The following CIMAP3 variants were observed in gnomAD, a reference collection of about 807,000 sequenced individuals.
CIMAP3 encodes ciliary microtubule-associated protein 3.
the CIMAP3 span, among the ~76,000 whole-genome samples, chr1:111,335,539 G>A: frequency 6.6e-6 from 1 of 152,216 alleles, no homozygotes; most frequent in Non-Finnish European, 1.5e-5. Flanking sequence ...CAGCGCACCA[G>A]GAGATTATAT....
chr1:111,336,298 C>T, the CIMAP3 span, among the ~76,000 whole-genome samples: 1 of 152,214 alleles, frequency 6.6e-6, no homozygotes, highest in Non-Finnish European at 1.5e-5. Flanking sequence ...GAGCACCTCT[C>T]CTCCTCCAAA....
the CIMAP3 span, chr1:111,347,618 C>CTTTTTTTTTTTTTTTTTTTGTGTTTTTTT: frequency 1.1e-6 from 1 of 928,432 alleles, no homozygotes. Context: ...GTTGTTTTTT[C>CTTTTTTTTTTTTTTTTTTTGTGTTTTTTT]TTTCTTTTTT....
the CIMAP3 span, among the ~76,000 whole-genome samples, chr1:111,335,247 G>A: frequency 1.5e-3 from 222 of 151,872 alleles, 3 homozygotes; most frequent in East Asian, 0.032. Context: ...AAACAGCTCC[G>A]GTCTACAGCT....
At chr1:111,339,038 G>A in the CIMAP3 span, among the ~76,000 whole-genome samples, 1 of 152,172 alleles carries the variant, frequency 6.6e-6, no homozygotes, top group African/African-American at 2.4e-5. Flanking sequence ...TGGAATGCAA[G>A]GCTGGTTCAA....
At chr1:111,337,650 C>A in the CIMAP3 span, among the ~76,000 whole-genome samples, 1 of 152,198 alleles carries the variant, frequency 6.6e-6, no homozygotes, top group Non-Finnish European at 1.5e-5. Context: ...AGCTAACTAT[C>A]CTAAATACAT....
the CIMAP3 span, among the ~76,000 whole-genome samples, chr1:111,328,533 T>G: frequency 1.3e-5 from 2 of 152,242 alleles, no homozygotes; most frequent in Non-Finnish European, 2.9e-5. Context: ...TGTGTGCTTC[T>G]GTATTGGGTG....
chr1:111,351,243 C>A, the CIMAP3 span: 66 of 1,487,524 alleles, frequency 4.4e-5, no homozygotes, highest in Admixed American at 1.3e-4. Flanking sequence ...ATCTAGAAAA[C>A]GTTCTTTCAT....
the CIMAP3 span, chr1:111,348,736 G>A: frequency 7.7e-7 from 1 of 1,301,292 alleles, no homozygotes; most frequent in Non-Finnish European, 1.0e-6. Flanking sequence ...AAGAAGGGAT[G>A]ACATCCAAAC....
the CIMAP3 span, among the ~76,000 whole-genome samples, chr1:111,329,078 G>C: frequency 1.2e-4 from 18 of 152,276 alleles, no homozygotes; most frequent in Non-Finnish European, 2.9e-5. Context: ...TATCTAAAAA[G>C]GATCTTATTT....
the CIMAP3 span, among the ~76,000 whole-genome samples, chr1:111,326,903 C>T: frequency 0.014 from 2,106 of 152,120 alleles, 59 homozygotes; most frequent in African/African-American, 0.047. Flanking sequence ...TGAAAATTGC[C>T]TATTCATGCC....
At chr1:111,348,353 G>A in the CIMAP3 span, 14 of 638,714 alleles carry the variant, frequency 2.2e-5, no homozygotes, top group Admixed American at 3.3e-4. Context: ...CCCGTATCTC[G>A]GTTTTCTACC....
chr1:111,332,755 T>C, the CIMAP3 span, among the ~76,000 whole-genome samples: 1 of 152,248 alleles, frequency 6.6e-6, no homozygotes, highest in East Asian at 1.9e-4. Flanking sequence ...GCATAGCTGC[T>C]TGGCTGATCT....
the CIMAP3 span, among the ~76,000 whole-genome samples, chr1:111,334,522 C>A: frequency 7.9e-3 from 1,205 of 152,244 alleles, 16 homozygotes; most frequent in African/African-American, 0.027. Context: ...GACAGGGAAC[C>A]ATCACCTCCC....
chr1:111,337,567 A>C, the CIMAP3 span, among the ~76,000 whole-genome samples: 13 of 152,174 alleles, frequency 8.5e-5, no homozygotes, highest in African/African-American at 2.9e-4. Flanking sequence ...GATAAAACAG[A>C]CTTTAAACCA....
chr1:111,345,718 T>C, the CIMAP3 span, among the ~76,000 whole-genome samples: 36 of 152,346 alleles, frequency 2.4e-4, no homozygotes, highest in East Asian at 6.9e-3. Context: ...CTGGGTGTTC[T>C]GTTAACCTCT....
the CIMAP3 span, among the ~76,000 whole-genome samples, chr1:111,325,059 G>A: frequency 6.6e-6 from 1 of 152,132 alleles, no homozygotes; most frequent in African/African-American, 2.4e-5. Context: ...TTTCAGCAAG[G>A]GCCAGCTCCC....
chr1:111,333,614 A>G, the CIMAP3 span, among the ~76,000 whole-genome samples: 1 of 152,108 alleles, frequency 6.6e-6, no homozygotes, highest in Non-Finnish European at 1.5e-5. Context: ...TTTCCCCACA[A>G]TAGGAAGTCC....
the CIMAP3 span, among the ~76,000 whole-genome samples, chr1:111,342,259 T>G: frequency 6.6e-6 from 1 of 152,138 alleles, no homozygotes; most frequent in Non-Finnish European, 1.5e-5. Flanking sequence ...GTAAGTGTAA[T>G]GACATTTTCA....
chr1:111,345,496 T>G, the CIMAP3 span, among the ~76,000 whole-genome samples: 1 of 152,236 alleles, frequency 6.6e-6, no homozygotes, highest in East Asian at 1.9e-4. Flanking sequence ...CTAGCCTCCC[T>G]AGCCTGTTGA....
Sources: gnomAD v4.1 joint callset for allele counts (sites outside exome capture counted in the v4.1 genomes callset) on GRCh38, gnomAD v4.1.1 for gene constraint, MANE v1.5 for transcripts, NCBI Gene and HGNC (gene_info 2026-07-23, HGNC 2026-07-21) for gene names.